The following DENND1A variants were observed in gnomAD, a reference collection of about 807,000 sequenced individuals.
DENND1A encodes DENN domain containing 1A.
DENND1A carries 51 observed loss-of-function variants against 113.7 expected under a neutral mutation model. That is an observed-to-expected ratio of 0.45 (90% CI 0.36 to 0.57). The LOEUF (loss-of-function observed/expected upper bound fraction) is 0.57. Among genes scored for constraint, DENND1A ranks in the 20% least tolerant of loss-of-function variants. DENND1A has a pLI of 0.00. For missense variants in DENND1A, 1,258 were observed against 1,395.9 expected, an observed-to-expected ratio of 0.90 and a Z score of 1.57; for synonymous variants, 565 against 570.8, an observed-to-expected ratio of 0.99 and a Z score of 0.14.
At chr9:123,516,919 A>AAAAAAAAAC (rs2053975997) in intron 13 of DENND1A, among the ~76,000 whole-genome samples, 1 of 133,624 alleles carries the variant, frequency 7.5e-6, no homozygotes, top group African/African-American at 2.8e-5. Context: ...AAAAAAAAAA[A>AAAAAAAAAC]GAACGGACAA....
chr9:123,688,419 T>C (rs1026893009), intron 5 of DENND1A, among the ~76,000 whole-genome samples: 7 of 152,206 alleles, frequency 4.6e-5, no homozygotes, highest in Non-Finnish European at 1.5e-5. Flanking sequence ...GCCTAATATA[T>C]ATAAGTCAGG....
At chr9:123,928,861 G>A in intron 1 of DENND1A, 2 of 985,372 alleles carry the variant, frequency 2.0e-6, no homozygotes, top group Non-Finnish European at 2.4e-6. Flanking sequence ...CTTGTAAGAG[G>A]GTTTAAAGTG....
In DENND1A at chr9:123,565,346, C is replaced by T. The variant is rs561304387; in HGVS notation, c.868-7651G>A. The stretch of plus-strand genomic sequence containing the variant: ...AGTCTAGGAAGGGAGGAACCATGTC[C>T]ACCCTCAGTGCTGGCGCACCTCATT... On this transcript the variant is annotated intron_variant, in intron 12 of 23. Coordinates refer to ENST00000394215, the MANE Select transcript of DENND1A (RefSeq NM_001352964.2). 2.1e-3 allele frequency among the ~76,000 whole-genome samples: 322 copies of T among 152,304 alleles called. 1 individual carries two copies. Among genetic ancestry groups the T allele is most frequent in the South Asian group, 4.1e-3 (20 of 4,824 alleles).
intron 5 of DENND1A, among the ~76,000 whole-genome samples, chr9:123,679,965 G>T (rs73580155): frequency 6.6e-6 from 1 of 152,048 alleles, no homozygotes; most frequent in African/African-American, 2.4e-5. Flanking sequence ...GACTATGGTG[G>T]GCTCTGTCCA....
intron 13 of DENND1A, among the ~76,000 whole-genome samples, chr9:123,544,939 A>G (rs940252390): frequency 6.6e-6 from 1 of 152,002 alleles, no homozygotes; most frequent in Non-Finnish European, 1.5e-5. Flanking sequence ...TCTACTAAAA[A>G]CACAAAAAAT....
At chr9:123,475,371 C>T (rs1354145284) in intron 13 of DENND1A, among the ~76,000 whole-genome samples, 3 of 152,164 alleles carry the variant, frequency 2.0e-5, no homozygotes, top group Non-Finnish European at 2.9e-5. Context: ...TAATAGCATC[C>T]GATAAACGGT....
chr9:123,504,822 G>A (rs761523149), intron 13 of DENND1A, among the ~76,000 whole-genome samples: 1 of 152,192 alleles, frequency 6.6e-6, no homozygotes, highest in African/African-American at 2.4e-5. Flanking sequence ...ACCAATCAGG[G>A]CCTCACAATC....
intron 3 of DENND1A, among the ~76,000 whole-genome samples, chr9:123,776,584 T>C (rs997601125): frequency 6.6e-6 from 1 of 152,232 alleles, no homozygotes; most frequent in African/African-American, 2.4e-5. Context: ...CTTCAGATGA[T>C]AGGTCTTTTT....
chr9:123,702,455 G>A (rs770619776), intron 5 of DENND1A, among the ~76,000 whole-genome samples: 1 of 152,018 alleles, frequency 6.6e-6, no homozygotes, highest in Non-Finnish European at 1.5e-5. Flanking sequence ...GTACAGAAAG[G>A]TCAAAAGCCT....
At chr9:123,925,353 C>T (rs1856922472) in intron 1 of DENND1A, among the ~76,000 whole-genome samples, 3 of 152,206 alleles carry the variant, frequency 2.0e-5, no homozygotes, top group Admixed American at 2.0e-4. Flanking sequence ...TTGGTGAAGG[C>T]TTCCTTTCCT....
intron 13 of DENND1A, among the ~76,000 whole-genome samples, chr9:123,551,595 G>C (rs2057048086): frequency 6.6e-6 from 1 of 152,212 alleles, no homozygotes; most frequent in Non-Finnish European, 1.5e-5. Flanking sequence ...GGCTGGGATG[G>C]AGAATTACTG....
intron 5 of DENND1A, among the ~76,000 whole-genome samples, chr9:123,702,438 T>C (rs1035566690): frequency 6.6e-6 from 1 of 152,004 alleles, no homozygotes; most frequent in Admixed American, 6.6e-5. Context: ...AAGATACAAA[T>C]ATCCAGGTAC....
chr9:123,470,983 G>T (rs537733538), intron 13 of DENND1A, among the ~76,000 whole-genome samples: 2 of 152,308 alleles, frequency 1.3e-5, no homozygotes, highest in South Asian at 2.1e-4. Flanking sequence ...AAGAGCGCCA[G>T]GGGAGTCAAA....
chr9:123,681,539 A>G (rs1460299545), intron 5 of DENND1A, among the ~76,000 whole-genome samples: 1 of 152,174 alleles, frequency 6.6e-6, no homozygotes, highest in East Asian at 1.9e-4. Context: ...AGACTGACCA[A>G]GCTGGTAAAT....
At chr9:123,440,562 G>C (rs1326535887) in intron 18 of DENND1A, 71 bp from the exon 19 acceptor site, 2 of 1,475,230 alleles carry the variant, frequency 1.4e-6, no homozygotes, top group Non-Finnish European at 1.8e-6. Flanking sequence ...ACCCCACAAC[G>C]AAGAGGCCTG....
At chr9:123,926,567 CAAAA>C (rs746978969) in intron 1 of DENND1A, among the ~76,000 whole-genome samples, 1 of 41,068 alleles carries the variant, frequency 2.4e-5, no homozygotes. Context: ...AACTCCATCT[CAAAA>C]AAAAAAAAAA....
intron 6 of DENND1A, among the ~76,000 whole-genome samples, chr9:123,675,419 G>A (rs1375445903): frequency 1.3e-5 from 2 of 152,190 alleles, no homozygotes; most frequent in Non-Finnish European, 2.9e-5. Flanking sequence ...TTAAGGAGAT[G>A]AAAATGAAAC....
At chr9:123,906,017 A>T (rs1852749965) in intron 1 of DENND1A, among the ~76,000 whole-genome samples, 1 of 152,016 alleles carries the variant, frequency 6.6e-6, no homozygotes, top group Non-Finnish European at 1.5e-5. Context: ...CTCTCAGACC[A>T]CACTGCAATC....
intron 12 of DENND1A, among the ~76,000 whole-genome samples, chr9:123,575,080 C>G (rs1351996266): frequency 1.3e-5 from 2 of 152,186 alleles, no homozygotes; most frequent in Non-Finnish European, 2.9e-5. Context: ...TTTTGTAGAA[C>G]AGCAGTCCCA....
Sources: allele counts gnomAD v4.1 joint callset (sites outside exome capture counted in the v4.1 genomes callset), GRCh38; gene constraint gnomAD v4.1.1; transcripts MANE v1.5; gene names NCBI Gene and HGNC (gene_info 2026-07-23, HGNC 2026-07-21).